Variants in MAST4 observed in about 807,000 individuals in gnomAD.
MAST4 encodes the protein microtubule associated serine/threonine kinase family member 4.
MAST4 carries 89 observed loss-of-function variants against 162.7 expected under a neutral mutation model. The ratio of observed to expected loss-of-function variants is 0.55; its 90% CI spans 0.46 to 0.65. The LOEUF (loss-of-function observed/expected upper bound fraction) is 0.65. MAST4 is among the 30% of genes least tolerant of loss of function. MAST4 has a pLI of 0.00. For missense variants in MAST4, 3,153 were observed against 3,374.0 expected, an observed-to-expected ratio of 0.93 and a Z score of 1.62; for synonymous variants, 1,479 against 1,361.1, an observed-to-expected ratio of 1.09 and a Z score of -1.91.
At chr5:67,042,232 G>A (rs1025363380) in intron 4 of MAST4, among the ~76,000 whole-genome samples, 4 of 152,116 alleles carry the variant, frequency 2.6e-5, no homozygotes, top group African/African-American at 9.7e-5. Context: ...ACTAATTGGT[G>A]GTGCTACGTT....
chr5:66,926,575 T>TATATAC (rs1271599634), intron 4 of MAST4, among the ~76,000 whole-genome samples: 9 of 151,408 alleles, frequency 5.9e-5, no homozygotes, highest in Middle Eastern at 3.4e-3. Flanking sequence ...TCTATATATA[T>TATATAC]ACACACACAC....
intron 3 of MAST4, among the ~76,000 whole-genome samples, chr5:66,870,131 T>C (rs927114534): frequency 6.6e-6 from 1 of 152,214 alleles, no homozygotes; most frequent in Admixed American, 6.5e-5. Context: ...ATTAACAGGA[T>C]CGGTCTTAGG....
chr5:66,740,892 G>A (rs1752445892), intron 1 of MAST4, among the ~76,000 whole-genome samples: 1 of 152,158 alleles, frequency 6.6e-6, no homozygotes, highest in African/African-American at 2.4e-5. Context: ...TATAAGCTTC[G>A]AAAACCTCAG....
At chr5:66,902,529 TA>T (rs1763075023) in intron 4 of MAST4, 2 of 207,044 alleles carry the variant, frequency 9.7e-6, no homozygotes, top group Admixed American at 1.2e-4. Context: ...GTTGAAAGTA[TA>T]AAAAAGCAAA....
chr5:66,818,094 C>G (rs938314420), intron 3 of MAST4, among the ~76,000 whole-genome samples: 2 of 152,112 alleles, frequency 1.3e-5, no homozygotes, highest in African/African-American at 4.8e-5. Flanking sequence ...TTTCCAGGTC[C>G]TGTATACATA....
At chr5:66,940,195 T>C (rs1297508314) in intron 4 of MAST4, among the ~76,000 whole-genome samples, 2 of 152,194 alleles carry the variant, frequency 1.3e-5, no homozygotes, top group Non-Finnish European at 2.9e-5. Context: ...CAAGTCATAA[T>C]CTTTTTGCTG....
rs758039911 is a variant in MAST4, at chr5:67,153,513, T to C, written c.3581T>C (p.Ile1194Thr). The C allele has an allele frequency of 7.5e-6, 12 of 1,602,424 alleles. No homozygotes were observed. Among genetic ancestry groups the C allele is most frequent in the Non-Finnish European group, 8.5e-6 (10 of 1,174,136 alleles). The change falls in exon 26 of 29, where the codon ATC (isoleucine) becomes ACC (threonine). Residue 1194 changes from isoleucine (I) to threonine (T), a missense_variant. By Grantham distance (89) the Ile-to-Thr change is moderately conservative (BLOSUM62 -1). Transcript: ENST00000403625. ...CQAGLKAGDL[I>T]THINGEPVHG... ...GCAGGACTGAAGGCTGGAGATCTTA[T>C]CACTCACATCAATGGAGAACCAGTG...
intron 1 of MAST4, among the ~76,000 whole-genome samples, chr5:66,630,499 G>A (rs1744725319): frequency 6.6e-6 from 1 of 151,990 alleles, no homozygotes; most frequent in African/African-American, 2.4e-5. Flanking sequence ...TTTGTTATAG[G>A]CAGCATAAAC....
At chr5:67,143,738 G>T (rs1363959975) in intron 21 of MAST4, among the ~76,000 whole-genome samples, 1 of 152,152 alleles carries the variant, frequency 6.6e-6, no homozygotes. Context: ...CTAGAGCCAG[G>T]ACAGAAGCTT....
intron 1 of MAST4, among the ~76,000 whole-genome samples, chr5:66,648,073 T>TGAGAGAGA (rs1394688404): frequency 2.3e-4 from 22 of 94,844 alleles, no homozygotes; most frequent in African/African-American, 9.3e-4. Context: ...TGTGTGTGTG[T>TGAGAGAGA]GTGTGTGTGT....
chr5:66,617,837 A>G (rs138925448), intron 1 of MAST4, among the ~76,000 whole-genome samples: 1 of 152,342 alleles, frequency 6.6e-6, no homozygotes, highest in Non-Finnish European at 1.5e-5. Flanking sequence ...AACGCGTACT[A>G]ATAAAGGGAG....
chr5:66,900,846 T>A (rs1762965202), intron 4 of MAST4, among the ~76,000 whole-genome samples: 1 of 152,136 alleles, frequency 6.6e-6, no homozygotes, highest in African/African-American at 2.4e-5. Context: ...CCTTTGCATC[T>A]AAGAACCAAA....
chr5:66,946,642 C>G (rs1343630949), intron 4 of MAST4, among the ~76,000 whole-genome samples: 1 of 152,088 alleles, frequency 6.6e-6, no homozygotes, highest in East Asian at 1.9e-4. Context: ...CAGTAAATGA[C>G]AAGCGGTAAT....
chr5:66,861,942 C>T (rs1760149855), intron 3 of MAST4, among the ~76,000 whole-genome samples: 1 of 152,130 alleles, frequency 6.6e-6, no homozygotes, highest in Admixed American at 6.5e-5. Flanking sequence ...ATCTGTTTCA[C>T]ATAGGAACCT....
intron 4 of MAST4, among the ~76,000 whole-genome samples, chr5:66,993,456 A>G (rs1277926724): frequency 6.6e-6 from 1 of 152,210 alleles, no homozygotes; most frequent in Non-Finnish European, 1.5e-5. Context: ...ATTGTGCTGC[A>G]GTGGAATGAC....
chr5:66,882,367 A>G (rs1435120885), intron 3 of MAST4, among the ~76,000 whole-genome samples: 3 of 152,200 alleles, frequency 2.0e-5, no homozygotes, highest in Admixed American at 1.3e-4. Flanking sequence ...ATTTATATCT[A>G]TATTAGGAAG....
At position 67,164,171 on chromosome 5, in the gene MAST4, G is replaced by A. The variant is rs1177614188; in HGVS notation, c.4992G>A (p.Thr1664=). 1.2e-6 allele frequency: 2 copies of A among 1,610,518 alleles called. No homozygotes were observed. Among genetic ancestry groups the A allele is most frequent in the African/African-American group, 2.7e-5 (2 of 74,908 alleles). Residue 1664 remains threonine (T), a synonymous_variant, in exon 29 of 29, where the codon ACG becomes ACA. Coordinates refer to ENST00000403625, the MANE Select transcript of MAST4 (RefSeq NM_001164664.2). The surrounding 1 kb of genome is among the most constrained non-coding windows in gnomAD (Gnocchi z 5.3). ...DRGISGKGEG[T]EKSSQAKELL... ...GCATCTCTGGGAAGGGGGAAGGCACGGAGAAGTCCTCCCAGGCCAAGGAGC... is the reference window on the plus strand; with the variant it reads ...GCATCTCTGGGAAGGGGGAAGGCACAGAGAAGTCCTCCCAGGCCAAGGAGC...
At chr5:67,118,635 A>C in intron 12 of MAST4, 47 bp from the exon 13 acceptor site, 40 of 1,061,410 alleles carry the variant, frequency 3.8e-5, no homozygotes, top group Non-Finnish European at 5.4e-5. Flanking sequence ...ATTCTTATCC[A>C]ATTGCAATAT....
At chr5:66,926,675 T>C (rs1464973235) in intron 4 of MAST4, among the ~76,000 whole-genome samples, 1 of 152,086 alleles carries the variant, frequency 6.6e-6, no homozygotes, top group African/African-American at 2.4e-5. Context: ...TGTGTGTATA[T>C]ATATATATTT....
Sources: gnomAD v4.1 joint callset for allele counts (sites outside exome capture counted in the v4.1 genomes callset) on GRCh38, gnomAD v4.1.1 for gene constraint, Gnocchi (gnomAD v3.1) non-coding constraint, MANE v1.5 for transcripts, NCBI Gene and HGNC (gene_info 2026-07-23, HGNC 2026-07-21) for gene names.